Variants in CHN1 observed in about 807,000 individuals in gnomAD.
CHN1 encodes chimerin 1.
CHN1 carries 37 observed loss-of-function variants against 59.5 expected under a neutral mutation model. The ratio of observed to expected loss-of-function variants is 0.62; its 90% CI spans 0.48 to 0.82. The LOEUF (loss-of-function observed/expected upper bound fraction) is 0.82, where lower values mean the gene tolerates loss of function less well. Ranked by LOEUF, CHN1 falls within the 40% of genes least tolerant of loss-of-function variation. The probability of loss-of-function intolerance (pLI) is 0.00; values close to 1 mark genes in which losing one functional copy is unlikely to be tolerated. For missense variants in CHN1, 469 were observed against 571.0 expected (o/e 0.82, Z 1.82); for synonymous variants, 206 against 200.4 (o/e 1.03, Z -0.24).
rs778223567 is a variant in CHN1 at position 174,800,306 on chromosome 2, G to C, written c.1209-19C>G. 10 of 1,419,826 alleles carry C rather than the reference G, an allele frequency of 7.0e-6. No individual in the cohort carries two copies. The East Asian group carries it at 2.4e-4, about 34-fold the overall frequency. The allele number at this position is 1,419,826 out of a possible 1,614,324, so 88.0% of individuals were successfully genotyped here. ...GGTCACTCTGAAAAATGCAAGTACA[G>C]GAATAAATGACTTTGTGTAAGCCAT... is the stretch of plus-strand genomic sequence containing the variant. On this transcript the variant is annotated intron_variant, in intron 12 of 12. Transcript: ENST00000409900.
At chr2:174,902,947 A>G (rs1451394187) in intron 5 of CHN1, among the ~76,000 whole-genome samples, 2 of 152,232 alleles carry the variant, frequency 1.3e-5, no homozygotes, top group Non-Finnish European at 2.9e-5. Context: ...GTTTTCAATC[A>G]TTAGCAAAAT....
chr2:174,865,703 T>A (rs1398522497), intron 6 of CHN1, among the ~76,000 whole-genome samples: 1 of 152,218 alleles, frequency 6.6e-6, no homozygotes, highest in African/African-American at 2.4e-5. Flanking sequence ...AATGGTTTGA[T>A]TGGCTCAAAG....
chr2:174,931,918 T>C (rs958538964), intron 3 of CHN1, among the ~76,000 whole-genome samples: 1 of 152,040 alleles, frequency 6.6e-6, no homozygotes, highest in South Asian at 2.1e-4. Flanking sequence ...TGAAGCAGAA[T>C]GGGGGCAGGG....
chr2:174,889,075 G>A (rs561098681), intron 5 of CHN1, among the ~76,000 whole-genome samples: 2 of 152,276 alleles, frequency 1.3e-5, no homozygotes, highest in South Asian at 4.1e-4. Flanking sequence ...ACTACTCACA[G>A]ATACCAGAGG....
chr2:174,995,465 G>C (rs1691676881), intron 1 of CHN1, among the ~76,000 whole-genome samples: 1 of 152,172 alleles, frequency 6.6e-6, no homozygotes, highest in Non-Finnish European at 1.5e-5. Flanking sequence ...ATGGACGGTG[G>C]GGGGATGGGG....
At chr2:174,957,440 G>T in intron 1 of CHN1, among the ~76,000 whole-genome samples, 1 of 101,626 alleles carries the variant, frequency 9.8e-6, no homozygotes, top group Non-Finnish European at 2.0e-5. Flanking sequence ...GCTAGGGTGT[G>T]TGTGTTGGGG....
At chr2:174,850,435 G>C (rs1266660925) in intron 6 of CHN1, among the ~76,000 whole-genome samples, 1 of 152,100 alleles carries the variant, frequency 6.6e-6, no homozygotes, top group Non-Finnish European at 1.5e-5. Context: ...ACTGACCTTG[G>C]GAGTTCTGCT....
At chr2:174,914,863 T>G (rs1197234225) in intron 5 of CHN1, among the ~76,000 whole-genome samples, 195 bp downstream of exon 5, 3 of 127,632 alleles carry the variant, frequency 2.4e-5, no homozygotes, top group South Asian at 4.8e-4. Flanking sequence ...AAAAAAAAAG[T>G]TTTTCTATTC....
chr2:174,844,526 TA>T (rs1199180276), intron 7 of CHN1, among the ~76,000 whole-genome samples: 1 of 152,242 alleles, frequency 6.6e-6, no homozygotes, highest in Non-Finnish European at 1.5e-5. Context: ...AATACACTTT[TA>T]CCACCATAAT....
At chr2:174,970,094 A>G (rs1690714187) in intron 1 of CHN1, among the ~76,000 whole-genome samples, 2 of 152,204 alleles carry the variant, frequency 1.3e-5, no homozygotes, top group African/African-American at 4.8e-5. Flanking sequence ...AACCTAAGAA[A>G]GCCCTTGATG....
chr2:174,962,070 A>T (rs918874600), intron 1 of CHN1, among the ~76,000 whole-genome samples: 9 of 152,106 alleles, frequency 5.9e-5, no homozygotes, highest in African/African-American at 2.2e-4. Context: ...ACAGATCACG[A>T]GGTCAGGAGT....
chr2:174,988,682 G>A (rs1296399940), intron 1 of CHN1, among the ~76,000 whole-genome samples: 1 of 152,112 alleles, frequency 6.6e-6, no homozygotes, highest in African/African-American at 2.4e-5. Context: ...CTCATCACTG[G>A]TTTGAGCTCT....
chr2:174,874,508 G>C (rs1687501172), intron 6 of CHN1, among the ~76,000 whole-genome samples: 1 of 152,182 alleles, frequency 6.6e-6, no homozygotes, highest in Non-Finnish European at 1.5e-5. Flanking sequence ...CTAGGGACAA[G>C]TAAGAATCTT....
chr2:174,891,282 T>C (rs1006452895), intron 5 of CHN1, among the ~76,000 whole-genome samples: 1 of 145,760 alleles, frequency 6.9e-6, no homozygotes, highest in Non-Finnish European at 1.5e-5. Flanking sequence ...TTGAGACAAA[T>C]GAAAATAGGC....
intron 5 of CHN1, among the ~76,000 whole-genome samples, chr2:174,894,610 C>A (rs1688154626): frequency 6.6e-6 from 1 of 152,126 alleles, no homozygotes; most frequent in Non-Finnish European, 1.5e-5. Context: ...ACCCAGCAAT[C>A]CGACTTCCGC....
At chr2:174,937,907 T>A (rs887478838) in intron 3 of CHN1, among the ~76,000 whole-genome samples, 1 of 152,168 alleles carries the variant, frequency 6.6e-6, no homozygotes, top group Non-Finnish European at 1.5e-5. Flanking sequence ...TGTTTCTTCT[T>A]GTACATTCTG....
chr2:174,926,124 T>C (rs1689158355), intron 3 of CHN1, among the ~76,000 whole-genome samples: 1 of 152,204 alleles, frequency 6.6e-6, no homozygotes, highest in South Asian at 2.1e-4. Flanking sequence ...GATCAATCAT[T>C]TTGCAATGTT....
intron 8 of CHN1, among the ~76,000 whole-genome samples, chr2:174,813,945 T>C (rs1685157113): frequency 6.6e-6 from 1 of 152,254 alleles, no homozygotes; most frequent in African/African-American, 2.4e-5. Flanking sequence ...GTGATCATTA[T>C]CATGACTTTT....
intron 5 of CHN1, among the ~76,000 whole-genome samples, chr2:174,885,468 T>C (rs1471291850): frequency 6.6e-6 from 1 of 152,082 alleles, no homozygotes; most frequent in African/African-American, 2.4e-5. Flanking sequence ...GCTTTTTCTA[T>C]TGACATTTGG....
Sources: gnomAD v4.1 joint callset for allele counts (sites outside exome capture counted in the v4.1 genomes callset) on GRCh38, gnomAD v4.1.1 for gene constraint, MANE v1.5 for transcripts, NCBI Gene and HGNC (gene_info 2026-07-23, HGNC 2026-07-21) for gene names.